TCAIM: variants seen among roughly 807,000 people sequenced by gnomAD.
TCAIM encodes the protein T cell activation inhibitor, mitochondrial.
Under a neutral mutation model 58.6 loss-of-function variants are expected in TCAIM, and 36 were observed. The ratio of observed to expected loss-of-function variants is 0.61; its 90% CI spans 0.47 to 0.81. The LOEUF is 0.81. Among genes scored for constraint, TCAIM ranks in the 30% least tolerant of loss-of-function variants. The probability of loss-of-function intolerance (pLI) is 0.00; values close to 1 mark genes in which losing one functional copy is unlikely to be tolerated. For synonymous variants in TCAIM, 172 were observed against 193.6 expected, an observed-to-expected ratio of 0.89 and a Z score of 0.93; for missense variants, 466 against 579.6, an observed-to-expected ratio of 0.80 and a Z score of 2.01.
intron 3 of TCAIM, among the ~76,000 whole-genome samples, chr3:44,360,814 C>T (rs879937222): frequency 8.5e-5 from 13 of 152,062 alleles, no homozygotes; most frequent in African/African-American, 1.9e-4. Flanking sequence ...CCATGCTGCC[C>T]GGGCTGTTCT....
chr3:44,349,961 A>G (rs1701053024), intron 1 of TCAIM, among the ~76,000 whole-genome samples: 1 of 151,902 alleles, frequency 6.6e-6, no homozygotes, highest in African/African-American at 2.4e-5. Context: ...CTTACGGAGC[A>G]AAGAGCAGGG....
chr3:44,380,238 C>CAGT, intron 5 of TCAIM, among the ~76,000 whole-genome samples: 1 of 152,018 alleles, frequency 6.6e-6, no homozygotes, highest in East Asian at 1.9e-4. Flanking sequence ...CTATAGTTTA[C>CAGT]AATCATCAAT....
At chr3:44,361,938 C>G (rs1287597841) in intron 4 of TCAIM, among the ~76,000 whole-genome samples, 4 of 152,150 alleles carry the variant, frequency 2.6e-5, no homozygotes, top group African/African-American at 4.8e-5. Flanking sequence ...GAGTCTTGAA[C>G]CCAGGTCTTT....
At chr3:44,358,886 G>C (rs1251277286) in intron 3 of TCAIM, 1 of 984,920 alleles carries the variant, frequency 1.0e-6, no homozygotes, top group Non-Finnish European at 1.2e-6. Context: ...TTGCTTTTTT[G>C]CTTCTAGGAA....
At chr3:44,403,385 GT>G (rs1390146145) in intron 10 of TCAIM, among the ~76,000 whole-genome samples, 1 of 152,148 alleles carries the variant, frequency 6.6e-6, no homozygotes, top group African/African-American at 2.4e-5. Flanking sequence ...CATCTCTTTT[GT>G]TTTCCTGTTT....
At chr3:44,356,295 G>A (rs12631966) in intron 2 of TCAIM, among the ~76,000 whole-genome samples, 21,093 of 152,254 alleles carry the variant, frequency 0.14, 1,508 homozygotes, top group Admixed American at 0.17. Context: ...GGGAGGCCGA[G>A]GCGGGCAGAG....
At chr3:44,362,685 G>A (rs768191379) in intron 4 of TCAIM, 1 of 339,340 alleles carries the variant, frequency 2.9e-6, no homozygotes, top group Non-Finnish European at 5.3e-6. Flanking sequence ...GCCCTTTTGT[G>A]AAGGAACAGG....
intron 6 of TCAIM, among the ~76,000 whole-genome samples, chr3:44,394,903 A>G (rs1701898961): frequency 6.3e-5 from 3 of 47,588 alleles, no homozygotes; most frequent in Non-Finnish European, 1.2e-4. Context: ...AAAAAAAAAA[A>G]AAAAAAAAAA....
At position 44,396,868 on chromosome 3, in the gene TCAIM, T is replaced by C. The variant is rs547280137; in HGVS notation, c.885+34T>C. On this transcript the variant is annotated intron_variant, in intron 8 of 10. Coordinates refer to ENST00000342649, the MANE Select transcript of TCAIM (RefSeq NM_173826.4). ...GAGCCTTAAAATTAAAAACTCCTTG[T>C]CATTCATAAACTTTCATTTCCAACA... The C allele has an allele frequency of 1.8e-5, 28 of 1,586,126 alleles. No individual in the cohort carries two copies. The Middle Eastern group carries it at 6.7e-4, about 38-fold the overall frequency.
intron 1 of TCAIM, among the ~76,000 whole-genome samples, chr3:44,343,987 A>G (rs1700909872): frequency 6.6e-6 from 1 of 150,542 alleles, no homozygotes; most frequent in Non-Finnish European, 1.5e-5. Context: ...ACTTTACACA[A>G]ATTTTATTTT....
intron 1 of TCAIM, among the ~76,000 whole-genome samples, chr3:44,346,821 T>G (rs1700980810): frequency 6.6e-6 from 1 of 152,172 alleles, no homozygotes; most frequent in African/African-American, 2.4e-5. Context: ...GGCTCTTGTG[T>G]AAGAATTCTG....
chr3:44,340,463 T>C (rs1700833907), intron 1 of TCAIM: 1 of 152,176 alleles, frequency 6.6e-6, no homozygotes, highest in South Asian at 2.1e-4. Flanking sequence ...TGTCTCTACT[T>C]AGAATTTTGG....
intron 5 of TCAIM, among the ~76,000 whole-genome samples, chr3:44,378,746 G>T (rs111256290): frequency 6.6e-6 from 1 of 151,318 alleles, no homozygotes; most frequent in Non-Finnish European, 1.5e-5. Context: ...GGGATGCAGA[G>T]GTTGCAGTGA....
At chr3:44,375,589 G>A (rs552016360) in intron 5 of TCAIM, among the ~76,000 whole-genome samples, 7 of 152,290 alleles carry the variant, frequency 4.6e-5, no homozygotes, top group Admixed American at 1.3e-4. Context: ...AAATTTCAAC[G>A]TGAGATTTGG....
intron 5 of TCAIM, among the ~76,000 whole-genome samples, chr3:44,382,997 T>C (rs1346863753): frequency 6.6e-6 from 1 of 152,144 alleles, no homozygotes; most frequent in African/African-American, 2.4e-5. Context: ...CTCAACATCA[T>C]TAATCACTAG....
chr3:44,338,960 C>T (rs1033456337), intron 1 of TCAIM, 126 bp downstream of exon 1: 2 of 152,186 alleles, frequency 1.3e-5, no homozygotes, highest in African/African-American at 4.8e-5. Flanking sequence ...GAGGCAGTGC[C>T]AGGGGACGCA....
chr3:44,392,989 G>A lies in TCAIM; in HGVS notation c.695+12G>A, dbSNP rs755537396. On this transcript the variant is annotated intron_variant, in intron 6 of 10. Transcript: ENST00000342649. ...CTCTCAGATATCAGGTAAGAAAGAA[G>A]AGAGAACCTAATTTAGAAATTGAAA... The A allele has an allele frequency of 6.3e-7, 1 of 1,595,562 alleles. No homozygotes were observed. Among genetic ancestry groups the A allele is most frequent in the South Asian group, 1.1e-5 (1 of 88,242 alleles).
intron 3 of TCAIM, among the ~76,000 whole-genome samples, chr3:44,360,597 CTTT>C (rs796123079): frequency 6.9e-6 from 1 of 145,216 alleles, no homozygotes; most frequent in Admixed American, 6.9e-5. Context: ...TATATATAAT[CTTT>C]TTTTTTTTTT....
At chr3:44,398,138 T>A (rs1701963442) in intron 8 of TCAIM, among the ~76,000 whole-genome samples, 1 of 151,916 alleles carries the variant, frequency 6.6e-6, no homozygotes, top group South Asian at 2.1e-4. Flanking sequence ...TAAAAACATG[T>A]TTATTGGCCG....
Sources: allele counts gnomAD v4.1 joint callset (sites outside exome capture counted in the v4.1 genomes callset), GRCh38; gene constraint gnomAD v4.1.1; transcripts MANE v1.5; gene names NCBI Gene and HGNC (gene_info 2026-07-23, HGNC 2026-07-21).